STXBP6: variants seen among roughly 807,000 people sequenced by gnomAD.
The protein encoded by STXBP6 is syntaxin-binding protein 6.
In STXBP6, 21 loss-of-function variants were observed where a neutral mutation model predicts 26.9. That is an observed-to-expected ratio of 0.78 (90% CI 0.55 to 1.12). The LOEUF is 1.12. STXBP6 is among the 50% of genes most tolerant of loss of function. The probability of loss-of-function intolerance (pLI) is 0.00; values close to 1 mark genes in which losing one functional copy is unlikely to be tolerated. For synonymous variants in STXBP6, 97 were observed against 92.6 expected (o/e 1.05, Z -0.27); for missense variants, 232 against 257.9 (o/e 0.90, Z 0.69).
At chr14:24,932,985 A>G (rs2139919142) in intron 2 of STXBP6, among the ~76,000 whole-genome samples, 1 of 152,352 alleles carries the variant, frequency 6.6e-6, no homozygotes, top group East Asian at 1.9e-4. Context: ...AGCAGTAGAA[A>G]GGGGTCCAGG....
chr14:24,940,104 G>A (rs1473602406), intron 2 of STXBP6, among the ~76,000 whole-genome samples: 2 of 152,218 alleles, frequency 1.3e-5, no homozygotes, highest in Non-Finnish European at 2.9e-5. Flanking sequence ...AGAGAGCAAT[G>A]TAAACCCTAC....
chr14:24,861,114 A>G (rs920584861), intron 2 of STXBP6, among the ~76,000 whole-genome samples: 1 of 152,152 alleles, frequency 6.6e-6, no homozygotes, highest in African/African-American at 2.4e-5. Flanking sequence ...AGGGTGGCTA[A>G]AAAGCAGAAT....
chr14:24,831,907 A>G (rs964166789), intron 4 of STXBP6, among the ~76,000 whole-genome samples: 7 of 152,172 alleles, frequency 4.6e-5, no homozygotes, highest in African/African-American at 1.7e-4. Flanking sequence ...GGGCGAATGA[A>G]GGATTTGCTC....
intron 2 of STXBP6, among the ~76,000 whole-genome samples, chr14:24,915,174 A>C (rs1293615974): frequency 2.0e-5 from 3 of 152,184 alleles, no homozygotes; most frequent in Non-Finnish European, 2.9e-5. Flanking sequence ...AACCTCAATC[A>C]GTGTAGAGAT....
intron 1 of STXBP6, among the ~76,000 whole-genome samples, chr14:24,976,852 CTTTTTTTT>C (rs71121808): frequency 3.3e-4 from 15 of 45,274 alleles, no homozygotes; most frequent in African/African-American, 1.1e-3. Context: ...ACTGGGCGCT[CTTTTTTTT>C]TTTTTTTTTT....
intron 4 of STXBP6, among the ~76,000 whole-genome samples, chr14:24,843,241 G>A (rs1235348362): frequency 6.6e-6 from 1 of 152,184 alleles, no homozygotes; most frequent in Non-Finnish European, 1.5e-5. Flanking sequence ...TTAGTATGGT[G>A]ACTATCAGTG....
At chr14:25,008,618 T>C (rs1478345890) in intron 1 of STXBP6, among the ~76,000 whole-genome samples, 5 of 152,338 alleles carry the variant, frequency 3.3e-5, no homozygotes, top group East Asian at 3.9e-4. Flanking sequence ...TTTAACTTGG[T>C]GTATGGAGAA....
chr14:25,012,897 C>T (rs554071728), intron 1 of STXBP6, among the ~76,000 whole-genome samples: 27 of 152,156 alleles, frequency 1.8e-4, no homozygotes, highest in African/African-American at 3.4e-4. Context: ...AAGGGATTCC[C>T]ATCGGCCAAA....
intron 2 of STXBP6, among the ~76,000 whole-genome samples, chr14:24,888,229 C>T (rs922101247): frequency 1.3e-5 from 2 of 152,250 alleles, no homozygotes; most frequent in East Asian, 1.9e-4. Flanking sequence ...GAGAACACAA[C>T]ATCAACAAAA....
chr14:24,893,276 C>A (rs1194703929), intron 2 of STXBP6, among the ~76,000 whole-genome samples: 1 of 152,184 alleles, frequency 6.6e-6, no homozygotes, highest in African/African-American at 2.4e-5. Context: ...TGTGCCAGGA[C>A]CTATTCAAAG....
At chr14:25,042,194 T>C (rs1016006427) in intron 1 of STXBP6, among the ~76,000 whole-genome samples, 1 of 152,248 alleles carries the variant, frequency 6.6e-6, no homozygotes, top group Non-Finnish European at 1.5e-5. Flanking sequence ...CCAACTCACC[T>C]TGGGTAACCT....
In STXBP6 at chr14:24,812,088, T is replaced by TG. The variant is rs1321747883; in HGVS notation, c.*620_*621insC. ...AGAGATTTCTATCTGCGATTCTGAT[T>TG]TTTTTTTTTTTTTGAACGCTGGTGA... is the stretch of plus-strand genomic sequence containing the variant. On this transcript the variant is annotated 3_prime_UTR_variant, in exon 6 of 6. Coordinates refer to ENST00000323944, the MANE Select transcript of STXBP6 (RefSeq NM_001394410.1). 3 of 148,280 alleles carry TG rather than the reference T, an allele frequency of 2.0e-5. No homozygotes were observed. Among genetic ancestry groups the TG allele is most frequent in the African/African-American group, 7.4e-5 (3 of 40,770 alleles). 9.2% of individuals were successfully genotyped at this position (148,280 alleles called of 1,614,324 possible). A position where few individuals can be genotyped will look rare whatever the true frequency, so the allele number is the denominator to read the frequency against.
At chr14:24,993,495 C>T (rs1180053762) in intron 1 of STXBP6, among the ~76,000 whole-genome samples, 1 of 152,208 alleles carries the variant, frequency 6.6e-6, no homozygotes, top group Non-Finnish European at 1.5e-5. Flanking sequence ...TTACTACCAA[C>T]ATCCTCTGTA....
chr14:25,025,624 T>C (rs74913576), intron 1 of STXBP6, among the ~76,000 whole-genome samples: 5,988 of 152,302 alleles, frequency 0.039, 358 homozygotes, highest in African/African-American at 0.12. Flanking sequence ...TCTGAGCCTG[T>C]TTCCTTACTC....
chr14:25,004,330 G>C (rs932813137), intron 1 of STXBP6, among the ~76,000 whole-genome samples: 1 of 152,088 alleles, frequency 6.6e-6, no homozygotes, highest in South Asian at 2.1e-4. Context: ...TCTTCCATGC[G>C]GGCCCAGTTC....
chr14:25,031,198 G>C (rs756597723), intron 1 of STXBP6, among the ~76,000 whole-genome samples: 1 of 152,110 alleles, frequency 6.6e-6, no homozygotes, highest in Non-Finnish European at 1.5e-5. Flanking sequence ...CTTTGGTTAC[G>C]AAAAAGCAAG....
chr14:25,005,869 G>C (rs144406262), intron 1 of STXBP6, among the ~76,000 whole-genome samples: 1 of 151,784 alleles, frequency 6.6e-6, no homozygotes, highest in East Asian at 1.9e-4. Flanking sequence ...ATATTACAGG[G>C]AAAGATTTTG....
intron 1 of STXBP6, among the ~76,000 whole-genome samples, chr14:24,998,334 A>C: frequency 6.6e-6 from 1 of 152,236 alleles, no homozygotes; most frequent in African/African-American, 2.4e-5. Flanking sequence ...CAATAAAGTC[A>C]AAATAATATA....
intron 2 of STXBP6, among the ~76,000 whole-genome samples, chr14:24,863,328 T>C (rs1434266801): frequency 1.3e-5 from 2 of 152,130 alleles, no homozygotes; most frequent in African/African-American, 4.8e-5. Flanking sequence ...GAGCTTCTTG[T>C]GGATAATTTG....
Sources: gnomAD v4.1 joint callset for allele counts (sites outside exome capture counted in the v4.1 genomes callset) on GRCh38, gnomAD v4.1.1 for gene constraint, MANE v1.5 for transcripts, NCBI Gene and HGNC (gene_info 2026-07-23, HGNC 2026-07-21) for gene names.